OSBPL7: variants seen among roughly 807,000 people sequenced by gnomAD.
The protein encoded by OSBPL7 is oxysterol-binding protein-related protein 7.
Under a neutral mutation model 115.8 loss-of-function variants are expected in OSBPL7, and 66 were observed. The observed-to-expected ratio is 0.57, with a 90% confidence interval of 0.47 to 0.70. The LOEUF (loss-of-function observed/expected upper bound fraction) is 0.70, where lower values mean the gene tolerates loss of function less well. Among genes scored for constraint, OSBPL7 ranks in the 30% least tolerant of loss-of-function variants. The pLI is 0.00. For synonymous variants in OSBPL7, 441 were observed against 439.2 expected, an observed-to-expected ratio of 1.00 and a Z score of -0.05; for missense variants, 902 against 1,125.5, an observed-to-expected ratio of 0.80 and a Z score of 2.84.
In OSBPL7 at chr17:47,810,824, G is replaced by C. The variant is rs755199599; in HGVS notation, c.1749C>G (p.His583Gln). 3 of 1,613,732 alleles carry C rather than the reference G, an allele frequency of 1.9e-6. No individual in the cohort carries two copies. The highest frequency in any genetic ancestry group is 2.2e-5 in the South Asian group (2 of 91,010). Residue 583 changes from histidine (H) to glutamine (Q), a missense_variant, in exon 17 of 23, where the codon CAC becomes CAG. His to Gln is a conservative substitution (Grantham distance 24). Coordinates refer to ENST00000007414, the MANE Select transcript of OSBPL7 (RefSeq NM_145798.3). ...CTGCATGGCAGGCCGAGATAGGGGG[G>C]TGGTGGGAGACCTTGGTGAGCAAAG... ...FRFISEQVSHHPPISACHAES... is the reference protein window; with the variant it reads ...FRFISEQVSHQPPISACHAES...
At chr17:47,814,923 G>C in intron 13 of OSBPL7, 1 of 558,002 alleles carries the variant, frequency 1.8e-6, no homozygotes. Flanking sequence ...GGGAATCAAG[G>C]GAGTGCTGAA....
At chr17:47,817,811 G>A (rs1438901586) in intron 7 of OSBPL7, among the ~76,000 whole-genome samples, 1 of 152,142 alleles carries the variant, frequency 6.6e-6, no homozygotes, top group Admixed American at 6.5e-5. Context: ...TCCTGGGAGG[G>A]TCTGAAGCCT....
rs1218036468 is a variant in OSBPL7, at chr17:47,808,824, G to C, written c.2297+40C>G. On this transcript the variant is annotated intron_variant, in intron 21 of 22. Coordinates refer to ENST00000007414, the MANE Select transcript of OSBPL7 (RefSeq NM_145798.3). This position sits in a 1 kb window ranked among gnomAD's most constrained non-coding sequence, Gnocchi z 6.1. ...CAGCTCTGTACTCTGTGGAGGGAGT[G>C]AACTAGATGGTTCTAGGCCGGCACC... The C allele has an allele frequency of 6.2e-7, 1 of 1,612,454 alleles. No homozygotes were observed. Among genetic ancestry groups the C allele is most frequent in the South Asian group, 1.1e-5 (1 of 90,982 alleles).
rs773617002 is a variant in OSBPL7, at chr17:47,815,327, C to T, written c.1145G>A (p.Arg382His). ...CTGCGATAGCTGGGGGGTGAGCTCG[C>T]GCCCCTTCATGTACAGAGCTTCTTG... The part of the protein sequence containing the change: ...EEQEALYMKG[R>H]ELTPQLSQTS... The change falls in exon 13 of 23, where the codon CGC becomes CAC. Residue 382 changes from arginine (R) to histidine (H), a missense_variant. Coordinates refer to ENST00000007414, the MANE Select transcript of OSBPL7 (RefSeq NM_145798.3). 29 of 1,613,874 alleles carry T rather than the reference C, an allele frequency of 1.8e-5. No individual in the cohort carries two copies. Among genetic ancestry groups the T allele is most frequent in the Admixed American group, 1.3e-4 (8 of 60,000 alleles).
At chr17:47,813,234 C>G (rs2033098442) in intron 16 of OSBPL7, 32 bp downstream of exon 16, 16 of 1,612,190 alleles carry the variant, frequency 9.9e-6, no homozygotes, top group Non-Finnish European at 1.4e-5. Flanking sequence ...CCCCAGACAC[C>G]CAAGGCCAGC....
chr17:47,820,558 C>T, intron 1 of OSBPL7, 193 bp from the exon 2 acceptor site: 1 of 413,066 alleles, frequency 2.4e-6, no homozygotes, highest in Non-Finnish European at 4.4e-6. Context: ...TGAGAGTGAA[C>T]TAGCACACAG....
chr17:47,813,412 G>A lies in OSBPL7; in HGVS notation c.1600-9C>T. The A allele has an allele frequency of 6.2e-7, 1 of 1,613,772 alleles. No homozygotes were observed. On this transcript the variant is annotated splice_polypyrimidine_tract_variant and intron_variant, in intron 15 of 22. Transcript: ENST00000007414. The stretch of plus-strand genomic sequence containing the variant: ...AAGGCTGCGATGTACACCTGTGGGG[G>A]GCAAGGAAGGTGCAGGGTACTGAGG...
At chr17:47,810,513 C>G (rs1483511208) in intron 18 of OSBPL7, 81 bp downstream of exon 18, 1 of 1,280,342 alleles carries the variant, frequency 7.8e-7, no homozygotes, top group Non-Finnish European at 1.1e-6. Flanking sequence ...CCGTCCTTAT[C>G]CTGTCCCTAA....
chr17:47,820,465 C>T lies in OSBPL7; in HGVS notation c.-87-100G>A, dbSNP rs1006931856. 3 of 597,526 alleles carry T rather than the reference C, an allele frequency of 5.0e-6. No individual in the cohort carries two copies. The African/African-American group carries it at 5.6e-5, about 11-fold the overall frequency. The allele number at this position is 597,526 out of a possible 1,614,324, so 37.0% of individuals were successfully genotyped here. A position where few individuals can be genotyped will look rare whatever the true frequency, so the allele number is the denominator to read the frequency against. On this transcript the variant is annotated intron_variant, in intron 1 of 22. Transcript: ENST00000007414. ...TCTGAGATAAGGGCTCCCCAACATA[C>T]CCTCTGCTCACCTGCCAAGCCTCTC... is the stretch of plus-strand genomic sequence containing the variant.
chr17:47,816,910 T>C lies in OSBPL7; in HGVS notation c.703-38A>G, dbSNP rs770518682. On this transcript the variant is annotated intron_variant, in intron 8 of 22. Transcript: ENST00000007414. This position sits in a 1 kb window ranked among gnomAD's most constrained non-coding sequence, Gnocchi z 5.8. ...GGTGGGGGCAATTTTACTCACAGGG[T>C]GGGGAAAAGGGGCAGAAACCATCAC... The C allele has an allele frequency of 1.3e-5, 21 of 1,597,712 alleles. No individual in the cohort carries two copies. In the South Asian group the frequency reaches 2.3e-4, roughly 18 times the overall value.
At chr17:47,817,139 C>CCCCCTT in intron 8 of OSBPL7, 117 bp downstream of exon 8, 3 of 836,186 alleles carry the variant, frequency 3.6e-6, no homozygotes, top group Non-Finnish European at 5.7e-6. Context: ...GGGAGGAAAC[C>CCCCCTT]AGGCGATGCA....
chr17:47,813,864 T>C, intron 14 of OSBPL7, 30 bp from the exon 15 acceptor site: 2 of 1,583,564 alleles, frequency 1.3e-6, no homozygotes, highest in Non-Finnish European at 1.7e-6. Context: ...TCACTCTCCA[T>C]CTGGGCACCA....
At chr17:47,810,730 C>T (rs764919763) in intron 17 of OSBPL7, 42 bp downstream of exon 17, 1 of 1,613,396 alleles carries the variant, frequency 6.2e-7, no homozygotes, top group Non-Finnish European at 8.5e-7. Context: ...GAGGGTGTTC[C>T]CTTTGCCCAG....
intron 12 of OSBPL7, chr17:47,815,699 G>C (rs1267313847): frequency 3.1e-6 from 1 of 325,884 alleles, no homozygotes; most frequent in East Asian, 6.6e-5. Flanking sequence ...TTGCAGATTG[G>C]AATGCTGAGG....
intron 4 of OSBPL7, 60 bp from the exon 5 acceptor site, chr17:47,819,159 A>G (rs932319252): frequency 5.0e-6 from 7 of 1,413,416 alleles, no homozygotes; most frequent in African/African-American, 1.4e-5. Flanking sequence ...AGAGCCATAG[A>G]GCCACCATCT....
Position 47,813,684 on chromosome 17 carries a change from T to C in OSBPL7, c.1502A>G (p.Asn501Ser). 1.2e-6 allele frequency: 2 copies of C among 1,613,348 alleles called. No homozygotes were observed. The highest frequency in any genetic ancestry group is 1.7e-6 in the Non-Finnish European group (2 of 1,180,000). ...CCGCTGCAGAGTGTTGAGCGGCTCG[T>C]TGAGCTGCACAGGCATTGACACCTT... Reference protein sequence around the residue: ...LSKVSMPVQLNEPLNTLQRLC... With the variant: ...LSKVSMPVQLSEPLNTLQRLC... Residue 501 changes from asparagine to serine, a missense_variant, in exon 15 of 23, where the codon AAC becomes AGC. Asn to Ser is a conservative substitution (Grantham distance 46). Around this residue, in one of 3 missense-constraint regions of OSBPL7, gnomAD observed 667 missense variants for 788.7 expected, o/e 0.85. Transcript: ENST00000007414.
At position 47,808,454 on chromosome 17, in the gene OSBPL7, G is replaced by A. The variant is rs2032926747; in HGVS notation, c.2421-55C>T. The A allele has an allele frequency of 1.2e-6, 2 of 1,613,536 alleles. No homozygotes were observed. The highest frequency in any genetic ancestry group is 2.2e-5 in the East Asian group (1 of 44,892). Reference sequence around the variant, plus strand: ...GTGAACATCTAGAAGGCAGGCTAGGGTCCTAAGGTGCTGCCTCCCACACCT... The same window carrying A: ...GTGAACATCTAGAAGGCAGGCTAGGATCCTAAGGTGCTGCCTCCCACACCT... On this transcript the variant is annotated intron_variant, in intron 22 of 22. Transcript: ENST00000007414. This position sits in a 1 kb window ranked among gnomAD's most constrained non-coding sequence, Gnocchi z 6.1.
At chr17:47,820,144 T>A (rs1007046211) in intron 2 of OSBPL7, 48 bp from the exon 3 acceptor site, 1 of 1,613,626 alleles carries the variant, frequency 6.2e-7, no homozygotes. Flanking sequence ...ACGTCCGCCT[T>A]GGCCCCTCCC....
intron 5 of OSBPL7, 63 bp downstream of exon 5, chr17:47,818,923 G>C: frequency 1.4e-6 from 2 of 1,391,582 alleles, no homozygotes; most frequent in African/African-American, 2.8e-5. Context: ...CCCTGCCCCT[G>C]TGTGTTCCAA....
Sources: gnomAD v4.1 joint callset for allele counts (sites outside exome capture counted in the v4.1 genomes callset) on GRCh38, gnomAD v4.1.1 for gene constraint, gnomAD v4.1.1 regional missense constraint, Gnocchi (gnomAD v3.1) non-coding constraint, MANE v1.5 for transcripts, NCBI Gene and HGNC (gene_info 2026-07-23, HGNC 2026-07-21) for gene names.